The following THSD7B variants were observed in gnomAD, a reference collection of about 807,000 sequenced individuals.
THSD7B encodes thrombospondin type 1 domain containing 7B.
A neutral mutation model predicts 213.6 loss-of-function variants in THSD7B; 138 were observed. That is an observed-to-expected ratio of 0.65 (90% CI 0.56 to 0.74). THSD7B has a LOEUF of 0.74. THSD7B is among the 30% of genes least tolerant of loss of function. The pLI, the probability that THSD7B is intolerant of heterozygous loss-of-function variation, is 0.00. For synonymous variants in THSD7B, 742 were observed against 687.0 expected (o/e 1.08, Z -1.25); for missense variants, 1,931 against 1,991.5 (o/e 0.97, Z 0.58).
intron 2 of THSD7B, among the ~76,000 whole-genome samples, chr2:136,997,004 A>C (rs149882999): frequency 2.6e-5 from 4 of 152,300 alleles, no homozygotes; most frequent in Admixed American, 2.6e-4. Context: ...AATCTAGAAC[A>C]CTGTTTTGTC....
chr2:137,415,071 A>AAAAAAAAT (rs1686763238), intron 14 of THSD7B, among the ~76,000 whole-genome samples: 1 of 149,912 alleles, frequency 6.7e-6, no homozygotes, highest in Non-Finnish European at 1.5e-5. Flanking sequence ...AAAAAAAAAA[A>AAAAAAAAT]TTATTATCAT....
chr2:137,079,266 G>GT (rs1295498028), intron 3 of THSD7B, among the ~76,000 whole-genome samples: 1 of 151,954 alleles, frequency 6.6e-6, no homozygotes, highest in Admixed American at 6.6e-5. Context: ...ATATTTTTTA[G>GT]TTTTTTTATA....
intron 2 of THSD7B, among the ~76,000 whole-genome samples, chr2:137,005,631 G>A (rs920761587): frequency 3.9e-5 from 6 of 152,148 alleles, no homozygotes; most frequent in Non-Finnish European, 7.4e-5. Flanking sequence ...TTTAAAGTTA[G>A]CCTATTAATT....
At chr2:137,215,896 G>T (rs946781480) in intron 7 of THSD7B, among the ~76,000 whole-genome samples, 1 of 152,086 alleles carries the variant, frequency 6.6e-6, no homozygotes, top group Non-Finnish European at 1.5e-5. Flanking sequence ...TATGTGATAG[G>T]CCCAGAAGTA....
intron 10 of THSD7B, among the ~76,000 whole-genome samples, chr2:137,269,367 G>C (rs937876172): frequency 6.6e-6 from 1 of 152,182 alleles, no homozygotes. Context: ...GTCTGTATGC[G>C]AGTGTGTACC....
rs115272723 is a variant in THSD7B, at chr2:137,257,097, T to C, written c.2266+14525T>C. ...CCCACTCCCGTGATCCGTAATCCCA[T>C]TAATCCATAAATAAAATCCAGTCAC... is the stretch of plus-strand genomic sequence containing the variant. On this transcript the variant is annotated intron_variant, in intron 10 of 27. Transcript: ENST00000409968. Among the ~76,000 whole-genome samples, 902 of 152,250 alleles carry C rather than the reference T, an allele frequency of 5.9e-3. 9 individuals are homozygous for C. The highest frequency in any genetic ancestry group is 0.02 in the African/African-American group (818 of 41,530).
chr2:137,331,450 C>T (rs961666239), intron 12 of THSD7B, among the ~76,000 whole-genome samples: 1 of 152,214 alleles, frequency 6.6e-6, no homozygotes, highest in African/African-American at 2.4e-5. Flanking sequence ...GTTTACAAAC[C>T]TTGAGCTAGA....
intron 12 of THSD7B, among the ~76,000 whole-genome samples, chr2:137,321,630 G>A (rs1183945978): frequency 6.6e-6 from 1 of 152,128 alleles, no homozygotes; most frequent in Non-Finnish European, 1.5e-5. Flanking sequence ...GAGGCAATGT[G>A]GTAATCTCAA....
intron 24 of THSD7B, among the ~76,000 whole-genome samples, 158 bp from the exon 25 acceptor site, chr2:137,659,502 TAATC>T (rs1376185515): frequency 6.6e-6 from 1 of 152,116 alleles, no homozygotes; most frequent in Non-Finnish European, 1.5e-5. Flanking sequence ...CATTTTAGAG[TAATC>T]AATAAAATAG....
chr2:137,014,290 A>G lies in THSD7B; in HGVS notation c.140-42130A>G, dbSNP rs16837853. ...TTCACACGTCTCTGCAACTACTCACATGGTTGTGGTTTTCATCAGCCCAGT... is the reference window on the plus strand; with the variant it reads ...TTCACACGTCTCTGCAACTACTCACGTGGTTGTGGTTTTCATCAGCCCAGT... On this transcript the variant is annotated intron_variant, in intron 2 of 27. Coordinates refer to ENST00000409968, the MANE Select transcript of THSD7B (RefSeq NM_001316349.2). Among the ~76,000 whole-genome samples the G allele has an allele frequency of 0.013, 1,940 of 152,284 alleles. 117 individuals are homozygous for G. The East Asian group carries it at 0.19, about 15-fold the overall frequency.
intron 5 of THSD7B, among the ~76,000 whole-genome samples, chr2:137,131,748 T>C (rs1415528212): frequency 1.3e-5 from 2 of 152,212 alleles, no homozygotes; most frequent in Non-Finnish European, 2.9e-5. Flanking sequence ...TATCTCTGTT[T>C]TGGTACCAGT....
At chr2:137,460,324 C>T (rs184781813) in intron 15 of THSD7B, among the ~76,000 whole-genome samples, 1 of 152,232 alleles carries the variant, frequency 6.6e-6, no homozygotes, top group East Asian at 1.9e-4. Context: ...TGAATATAAA[C>T]TTCTTATCTT....
chr2:137,420,615 A>C (rs142410028), intron 14 of THSD7B, among the ~76,000 whole-genome samples: 1 of 152,186 alleles, frequency 6.6e-6, no homozygotes, highest in Non-Finnish European at 1.5e-5. Context: ...TGAACACTTC[A>C]TCACTCTATC....
rs754131663 is a variant in THSD7B at position 137,056,498 on chromosome 2, G to T, written c.218G>T (p.Gly73Val). ...SRAVWCFHVD[G>V]WTSHLSNCGE... ...GCAGTGTGGTGTTTTCATGTTGACGGGTGGACAAGTCACCTGTCTAACTGT... is the reference window on the plus strand; with the variant it reads ...GCAGTGTGGTGTTTTCATGTTGACGTGTGGACAAGTCACCTGTCTAACTGT... The change falls in exon 3 of 28, where the codon GGG becomes GTG. Residue 73 changes from glycine to valine, a missense_variant. Physicochemically the swap from Gly to Val is moderately radical, Grantham distance 109 (BLOSUM62 -3). Transcript: ENST00000409968. 4.3e-6 allele frequency: 7 copies of T among 1,613,946 alleles called. No homozygotes were observed. The highest frequency in any genetic ancestry group is 5.9e-6 in the Non-Finnish European group (7 of 1,179,874).
intron 4 of THSD7B, among the ~76,000 whole-genome samples, chr2:137,101,417 A>AATGGTTCC (rs1158687820): frequency 6.6e-6 from 1 of 152,228 alleles, no homozygotes; most frequent in African/African-American, 2.4e-5. Context: ...AGATAAATTA[A>AATGGTTCC]CAGATTCTCT....
At chr2:136,781,018 A>G (rs1298193014) in intron 1 of THSD7B, among the ~76,000 whole-genome samples, 1 of 151,406 alleles carries the variant, frequency 6.6e-6, no homozygotes, top group Non-Finnish European at 1.5e-5. Flanking sequence ...TGCTTCATGC[A>G]ATGTGTGAAA....
At chr2:137,240,204 A>C (rs1281452564) in intron 9 of THSD7B, among the ~76,000 whole-genome samples, 1 of 152,202 alleles carries the variant, frequency 6.6e-6, no homozygotes, top group Non-Finnish European at 1.5e-5. Flanking sequence ...TCCAGTGTCC[A>C]TCCTCTCTCC....
At chr2:137,145,366 T>G (rs753107840) in intron 5 of THSD7B, among the ~76,000 whole-genome samples, 1 of 152,074 alleles carries the variant, frequency 6.6e-6, no homozygotes, top group African/African-American at 2.4e-5. Flanking sequence ...GTGGTTGTAA[T>G]AGGAGTCTTG....
intron 12 of THSD7B, among the ~76,000 whole-genome samples, chr2:137,346,983 C>T (rs1336177212): frequency 6.6e-6 from 1 of 151,604 alleles, no homozygotes; most frequent in Non-Finnish European, 1.5e-5. Context: ...CTATGTTTAA[C>T]TTTCTGAGGA....
Sources: allele counts gnomAD v4.1 joint callset (sites outside exome capture counted in the v4.1 genomes callset), GRCh38; gene constraint gnomAD v4.1.1; transcripts MANE v1.5; gene names NCBI Gene and HGNC (gene_info 2026-07-23, HGNC 2026-07-21).